Variants in MAP6 observed in about 807,000 individuals in gnomAD.
MAP6 encodes microtubule associated protein 6, also known as microtubule-associated protein 6.
In MAP6, 26 loss-of-function variants were observed where a neutral mutation model predicts 42.4. The ratio of observed to expected loss-of-function variants is 0.61; its 90% CI spans 0.45 to 0.85. The LOEUF (loss-of-function observed/expected upper bound fraction) is 0.85, where lower values mean the gene tolerates loss of function less well. Among genes scored for constraint, MAP6 ranks in the 40% least tolerant of loss-of-function variants. MAP6 has a pLI of 0.00. For missense variants in MAP6, 966 were observed against 1,099.0 expected, an observed-to-expected ratio of 0.88 and a Z score of 1.71; for synonymous variants, 418 against 443.8, an observed-to-expected ratio of 0.94 and a Z score of 0.73.
intron 1 of MAP6, among the ~76,000 whole-genome samples, chr11:75,643,467 G>C (rs565065497): frequency 6.6e-6 from 1 of 152,286 alleles, no homozygotes; most frequent in South Asian, 2.1e-4. Context: ...TTAGTAAGGT[G>C]CTTGGCAAAG....
chr11:75,664,386 T>C (rs1357180975), intron 1 of MAP6, among the ~76,000 whole-genome samples: 3 of 152,234 alleles, frequency 2.0e-5, no homozygotes, highest in African/African-American at 7.2e-5. Flanking sequence ...TGACTGTAAA[T>C]TGTAAAGTAA....
chr11:75,627,094 A>G (rs914266419), intron 1 of MAP6, among the ~76,000 whole-genome samples: 1 of 152,252 alleles, frequency 6.6e-6, no homozygotes, highest in Non-Finnish European at 1.5e-5. Context: ...TAACCTAGGA[A>G]ATGGCTGAAA....
chr11:75,658,556 G>A (rs1590810386), intron 1 of MAP6, among the ~76,000 whole-genome samples: 1 of 152,166 alleles, frequency 6.6e-6, no homozygotes, highest in East Asian at 1.9e-4. Context: ...CACCTAGACT[G>A]TAGTTTCTTC....
At chr11:75,657,988 A>G (rs1943779253) in intron 1 of MAP6, among the ~76,000 whole-genome samples, 1 of 152,216 alleles carries the variant, frequency 6.6e-6, no homozygotes, top group African/African-American at 2.4e-5. Flanking sequence ...TAGGATTTGG[A>G]CATCTTTGCA....
rs1942760916 is a variant in MAP6 at position 75,605,934 on chromosome 11, G to A, written c.1190C>T (p.Ala397Val). 1 of 1,614,004 alleles carries A rather than the reference G, an allele frequency of 6.2e-7. No individual in the cohort carries two copies. Among genetic ancestry groups the A allele is most frequent in the Non-Finnish European group, 8.5e-7 (1 of 1,180,046 alleles). Residue 397 changes from alanine to valine, a missense_variant, in exon 3 of 4, where the codon GCC (alanine) becomes GTC (valine). Ala to Val is a moderately conservative substitution (Grantham distance 64). Transcript: ENST00000304771. ...TSASHKPTRK[A>V]KDKQAVSGQA... ...GCCTGACACCGCCTGCTTGTCTTTG[G>A]CCTTCCTCGTGGGCTTATGGCTCGC...
intron 1 of MAP6, among the ~76,000 whole-genome samples, chr11:75,622,297 T>C (rs1342537752): frequency 6.6e-6 from 1 of 152,096 alleles, no homozygotes; most frequent in African/African-American, 2.4e-5. Flanking sequence ...CAGGCTGGAG[T>C]GCAGGGGTGT....
chr11:75,662,871 G>A (rs1835468401), intron 1 of MAP6, among the ~76,000 whole-genome samples: 1 of 152,114 alleles, frequency 6.6e-6, no homozygotes, highest in South Asian at 2.1e-4. Context: ...TGCTGCCCTA[G>A]GTGAAGGTCC....
chr11:75,640,909 T>C (rs1943456303), intron 1 of MAP6, among the ~76,000 whole-genome samples: 3 of 152,134 alleles, frequency 2.0e-5, no homozygotes, highest in Admixed American at 6.5e-5. Flanking sequence ...GTTCAACCAT[T>C]GTGGAAGTCA....
At chr11:75,665,236 G>A (rs1393043391) in intron 1 of MAP6, among the ~76,000 whole-genome samples, 1 of 152,150 alleles carries the variant, frequency 6.6e-6, no homozygotes, top group African/African-American at 2.4e-5. Flanking sequence ...TGTGAAGCAC[G>A]ACATGCTTAC....
At chr11:75,598,528 A>C (rs1006132353) in intron 3 of MAP6, among the ~76,000 whole-genome samples, 1 of 152,258 alleles carries the variant, frequency 6.6e-6, no homozygotes, top group Non-Finnish European at 1.5e-5. Context: ...AGCCAGTATA[A>C]AACCAGCCAT....
In MAP6 at chr11:75,641,276, T is replaced by C. The variant is rs1173281639; in HGVS notation, c.905+26189A>G. Among the ~76,000 whole-genome samples the C allele has an allele frequency of 4.4e-5, 6 of 135,406 alleles. No individual in the cohort carries two copies. In the Admixed American group the frequency reaches 5.3e-4, roughly 12 times the overall value. 88.8% of individuals were successfully genotyped at this position (135,406 alleles called of 152,430 possible). A position where few individuals can be genotyped will look rare whatever the true frequency, so the allele number is the denominator to read the frequency against. On this transcript the variant is annotated intron_variant, in intron 1 of 3. Transcript: ENST00000304771. ...GCATGTTCTCACTCATAGGTGGGAA[T>C]TGAACAATGAGAACACATGGACTCA...
chr11:75,588,363 G>A (rs116522410), intron 3 of MAP6, among the ~76,000 whole-genome samples, 179 bp from the exon 4 acceptor site: 29 of 152,002 alleles, frequency 1.9e-4, no homozygotes, highest in African/African-American at 7.0e-4. Flanking sequence ...GGTGAGGGAG[G>A]GGGGTGAGGT....
At chr11:75,616,947 G>C (rs1253422085) in intron 1 of MAP6, among the ~76,000 whole-genome samples, 1 of 152,188 alleles carries the variant, frequency 6.6e-6, no homozygotes, top group Non-Finnish European at 1.5e-5. Context: ...AGAAAAGTTT[G>C]AAGCTAATGT....
chr11:75,654,985 C>T (rs531065892), intron 1 of MAP6, among the ~76,000 whole-genome samples: 1 of 152,264 alleles, frequency 6.6e-6, no homozygotes, highest in South Asian at 2.1e-4. Flanking sequence ...CTGTTGCGCC[C>T]CTAGAGAACT....
Position 75,604,071 on chromosome 11 carries a change from C to A in MAP6, c.1316+1737G>T, listed in dbSNP as rs562599266. On this transcript the variant is annotated intron_variant, in intron 3 of 3. Transcript: ENST00000304771. ...TTTCAAAATCTGTGACTCATAAACA[C>A]GGAGACCCACCAGCATTTTCTACCT... The A allele has an allele frequency of 7.4e-5, 73 of 985,876 alleles. No homozygotes were observed. In the African/African-American group the frequency reaches 1.2e-3, roughly 16 times the overall value. 61.1% of individuals were successfully genotyped at this position (985,876 alleles called of 1,614,324 possible).
chr11:75,621,567 AG>A (rs1171027435), intron 1 of MAP6, among the ~76,000 whole-genome samples: 1 of 152,248 alleles, frequency 6.6e-6, no homozygotes, highest in African/African-American at 2.4e-5. Flanking sequence ...CATACAGATT[AG>A]AAAAGAAGAC....
chr11:75,659,251 G>A (rs1943801898), intron 1 of MAP6, among the ~76,000 whole-genome samples: 1 of 152,214 alleles, frequency 6.6e-6, no homozygotes, highest in Non-Finnish European at 1.5e-5. Flanking sequence ...GGAGGCTGAA[G>A]CAGGGGGATC....
chr11:75,658,934 G>A (rs1334069314), intron 1 of MAP6, among the ~76,000 whole-genome samples: 3 of 152,254 alleles, frequency 2.0e-5, no homozygotes, highest in African/African-American at 7.2e-5. Flanking sequence ...GCTCCACCAT[G>A]CCCTGCACAG....
At chr11:75,666,692 T>C (rs1019929282) in intron 1 of MAP6, among the ~76,000 whole-genome samples, 1 of 152,238 alleles carries the variant, frequency 6.6e-6, no homozygotes, top group Non-Finnish European at 1.5e-5. Context: ...GCCTGGCATA[T>C]AGTAGGCACT....
Sources: gnomAD v4.1 joint callset for allele counts (sites outside exome capture counted in the v4.1 genomes callset) on GRCh38, gnomAD v4.1.1 for gene constraint, MANE v1.5 for transcripts, NCBI Gene and HGNC (gene_info 2026-07-23, HGNC 2026-07-21) for gene names.